Variants in TOX observed in about 807,000 individuals in gnomAD.
The protein encoded by TOX is thymocyte selection associated high mobility group box.
TOX carries 11 observed loss-of-function variants against 53.7 expected under a neutral mutation model. That is an observed-to-expected ratio of 0.20 (90% confidence interval 0.13 to 0.34). TOX has a LOEUF of 0.34. Among genes scored for constraint, TOX ranks in the 10% least tolerant of loss-of-function variants. TOX has a pLI of 1.00. For missense variants in TOX, 570 were observed against 664.6 expected, an observed-to-expected ratio of 0.86 and a Z score of 1.56; for synonymous variants, 225 against 245.3, an observed-to-expected ratio of 0.92 and a Z score of 0.77.
intron 1 of TOX, among the ~76,000 whole-genome samples, chr8:58,992,338 C>T (rs1813469749): frequency 6.6e-6 from 1 of 152,168 alleles, no homozygotes; most frequent in African/African-American, 2.4e-5. Context: ...CGTAGAAATG[C>T]ATCAATGATT....
intron 3 of TOX, among the ~76,000 whole-genome samples, chr8:58,928,938 G>C (rs983502332): frequency 5.9e-5 from 9 of 151,930 alleles, no homozygotes; most frequent in African/African-American, 2.2e-4. Context: ...TTACAGGGTT[G>C]GATCATATTT....
chr8:58,811,855 T>C (rs188641391), intron 7 of TOX, among the ~76,000 whole-genome samples: 1 of 152,340 alleles, frequency 6.6e-6, no homozygotes. Flanking sequence ...AACATTATTC[T>C]AGAAAAAAAT....
chr8:58,855,961 C>T (rs1810907751), intron 3 of TOX, among the ~76,000 whole-genome samples: 2 of 152,136 alleles, frequency 1.3e-5, no homozygotes, highest in Admixed American at 6.6e-5. Context: ...TTGTGGTTTG[C>T]CCAGTACTTT....
chr8:58,929,684 A>G (rs1355240640), intron 3 of TOX, among the ~76,000 whole-genome samples: 1 of 152,136 alleles, frequency 6.6e-6, no homozygotes, highest in Non-Finnish European at 1.5e-5. Flanking sequence ...CAACATTTCA[A>G]TGTTAATAAT....
At chr8:58,998,577 A>ATAATAAATTTATATGTAATAAATTTATG (rs1563413658) in intron 1 of TOX, among the ~76,000 whole-genome samples, 3,370 of 69,884 alleles carry the variant, frequency 0.048, 577 homozygotes, top group African/African-American at 0.2. Context: ...AAATGTATAT[A>ATAATAAATTTATATGTAATAAATTTATG]TAATAAATTT....
At chr8:58,820,096 A>G (rs1297018324) in intron 6 of TOX, among the ~76,000 whole-genome samples, 1 of 152,152 alleles carries the variant, frequency 6.6e-6, no homozygotes, top group East Asian at 1.9e-4. Flanking sequence ...TTCAGACTCA[A>G]TATTTGTCTC....
chr8:58,861,148 T>C (rs1285950030), intron 3 of TOX, among the ~76,000 whole-genome samples: 1 of 152,290 alleles, frequency 6.6e-6, no homozygotes, highest in East Asian at 1.9e-4. Flanking sequence ...ATAAAGGAAA[T>C]GTGCAAATGG....
intron 1 of TOX, among the ~76,000 whole-genome samples, chr8:59,062,858 A>G (rs1395488066): frequency 6.6e-6 from 1 of 152,136 alleles, no homozygotes; most frequent in East Asian, 1.9e-4. Flanking sequence ...AAGGAAAACA[A>G]TCAGGTCTAT....
At chr8:59,042,024 A>C (rs1803597250) in intron 1 of TOX, among the ~76,000 whole-genome samples, 1 of 152,162 alleles carries the variant, frequency 6.6e-6, no homozygotes, top group Non-Finnish European at 1.5e-5. Flanking sequence ...AATTCTCCCT[A>C]GTTTTCTTTT....
chr8:58,868,679 G>A (rs7820629), intron 3 of TOX, among the ~76,000 whole-genome samples: 56,289 of 151,882 alleles, frequency 0.37, 10,585 homozygotes, highest in South Asian at 0.43. Flanking sequence ...GGATGCAGCC[G>A]AAGCAGTGCT....
chr8:58,825,626 C>A (rs1256151848), intron 6 of TOX, among the ~76,000 whole-genome samples: 4 of 152,168 alleles, frequency 2.6e-5, no homozygotes, highest in Non-Finnish European at 4.4e-5. Flanking sequence ...CAAAAAGAAT[C>A]TGATCTTGGA....
chr8:59,025,150 G>C (rs1221882564), intron 1 of TOX, among the ~76,000 whole-genome samples: 1 of 152,060 alleles, frequency 6.6e-6, no homozygotes, highest in Non-Finnish European at 1.5e-5. Flanking sequence ...TGCAGCCTTG[G>C]GCGAGCCACT....
intron 1 of TOX, among the ~76,000 whole-genome samples, chr8:59,051,032 A>T (rs1415105116): frequency 1.3e-5 from 2 of 152,164 alleles, no homozygotes; most frequent in African/African-American, 4.8e-5. Context: ...GCTCTATGGC[A>T]TAAAAATATC....
At chr8:58,858,279 TAA>T (rs1330502407) in intron 3 of TOX, among the ~76,000 whole-genome samples, 1 of 152,228 alleles carries the variant, frequency 6.6e-6, no homozygotes, top group Non-Finnish European at 1.5e-5. Context: ...TTTCAGTGTT[TAA>T]AACTCTGTGT....
At chr8:58,910,529 C>A (rs1402096504) in intron 3 of TOX, among the ~76,000 whole-genome samples, 1 of 152,136 alleles carries the variant, frequency 6.6e-6, no homozygotes, top group Non-Finnish European at 1.5e-5. Context: ...ATTCCCATGT[C>A]TAGCAGGTGG....
chr8:58,937,028 G>A lies in TOX; in HGVS notation c.411+2274C>T. On this transcript the variant is annotated intron_variant, in intron 3 of 8. Transcript: ENST00000361421. ...GTCACACCACATTCCACTGGGAAGT[G>A]CTGAACCTTACCCACTGTCTCACCA... Among the ~76,000 whole-genome samples the A allele has an allele frequency of 1.3e-5, 2 of 152,218 alleles. 1 individual carries two copies. Among genetic ancestry groups the A allele is most frequent in the Non-Finnish European group, 2.9e-5 (2 of 68,038 alleles).
At chr8:58,909,298 A>G (rs1811870325) in intron 3 of TOX, among the ~76,000 whole-genome samples, 1 of 152,212 alleles carries the variant, frequency 6.6e-6, no homozygotes, top group South Asian at 2.1e-4. Flanking sequence ...ACCATAGCAC[A>G]CAGTTACCTA....
At chr8:59,057,441 A>G (rs1803905603) in intron 1 of TOX, among the ~76,000 whole-genome samples, 1 of 152,194 alleles carries the variant, frequency 6.6e-6, no homozygotes, top group South Asian at 2.1e-4. Context: ...AAATGTGTAG[A>G]ACAATGTTCA....
chr8:58,840,920 C>T (rs1299204842), intron 4 of TOX, among the ~76,000 whole-genome samples: 1 of 152,200 alleles, frequency 6.6e-6, no homozygotes, highest in Non-Finnish European at 1.5e-5. Context: ...ACCACCCTCT[C>T]TGAGTTTTAC....
Sources: gnomAD v4.1 joint callset for allele counts (sites outside exome capture counted in the v4.1 genomes callset) on GRCh38, gnomAD v4.1.1 for gene constraint, MANE v1.5 for transcripts, NCBI Gene and HGNC (gene_info 2026-07-23, HGNC 2026-07-21) for gene names.